Variants in GLB1L2 observed in about 807,000 individuals in gnomAD.
GLB1L2 encodes galactosidase beta 1 like 2.
Under a neutral mutation model 84.1 loss-of-function variants are expected in GLB1L2, and 68 were observed. The ratio of observed to expected loss-of-function variants is 0.81; its 90% CI spans 0.67 to 0.99. GLB1L2 has a LOEUF of 0.99. Among genes scored for constraint, GLB1L2 ranks in the 50% least tolerant of loss-of-function variants. GLB1L2 has a pLI of 0.00. For missense variants in GLB1L2, 762 were observed against 805.6 expected, an observed-to-expected ratio of 0.95 and a Z score of 0.66; for synonymous variants, 290 against 318.0, an observed-to-expected ratio of 0.91 and a Z score of 0.94.
At position 134,375,755 on chromosome 11, in the gene GLB1L2, G is replaced by GTT. The variant is rs1944017150; in HGVS notation, c.*697_*698insTT. ...CAGTGAGGAGGACATGTGAGTCCTG[G>GTT]CAGAAGCCATGGCCCATGTCTGCAC... On this transcript the variant is annotated 3_prime_UTR_variant, in exon 19 of 19. Coordinates refer to ENST00000535456, the MANE Select transcript of GLB1L2 (RefSeq NM_001370461.1). 1 of 152,286 alleles carries GTT rather than the reference G, an allele frequency of 6.6e-6. No individual in the cohort carries two copies. Among genetic ancestry groups the GTT allele is most frequent in the South Asian group, 2.1e-4 (1 of 4,834 alleles). The allele number at this position is 152,286 out of a possible 1,614,324, so 9.4% of individuals were successfully genotyped here. A position where few individuals can be genotyped will look rare whatever the true frequency, so the allele number is the denominator to read the frequency against.
In GLB1L2 at chr11:134,342,780, T is replaced by G; in HGVS notation, c.113T>G (p.Leu38Arg). The stretch of plus-strand genomic sequence containing the variant: ...CTGGACTGGAGCACCCTGGTCCCTC[T>G]GCGGCTCCGCCATCGACAGCTGGGG... Reference protein sequence around the residue: ...RRLDWSTLVPLRLRHRQLGLQ... With the variant: ...RRLDWSTLVPRRLRHRQLGLQ... The change falls in exon 2 of 19, where the codon CTG becomes CGG. Residue 38 changes from leucine to arginine, a missense_variant. Transcript: ENST00000535456. 1 of 1,613,938 alleles carries G rather than the reference T, an allele frequency of 6.2e-7. No homozygotes were observed. The highest frequency in any genetic ancestry group is 8.5e-7 in the Non-Finnish European group (1 of 1,180,002).
intron 8 of GLB1L2, among the ~76,000 whole-genome samples, chr11:134,366,253 G>A (rs1943866216): frequency 6.6e-6 from 1 of 152,214 alleles, no homozygotes. Flanking sequence ...GGTATGGTAT[G>A]TCTCCTTCTT....
In GLB1L2 at chr11:134,347,371, G is replaced by A. The variant is rs1226817020; in HGVS notation, c.496G>A (p.Gly166Ser). Reference sequence around the variant, plus strand: ...CATGAGGCTGAGGACAACTTACAAGGGCTTCACCGAAGCAGTGGACCTTTA... The same window carrying A: ...CATGAGGCTGAGGACAACTTACAAGAGCTTCACCGAAGCAGTGGACCTTTA... ...PGMRLRTTYK[G>S]FTEAVDLYFD... The change falls in exon 5 of 19, where the codon GGC becomes AGC. Residue 166 changes from glycine (G) to serine (S), a missense_variant. Transcript: ENST00000535456. 5.0e-6 allele frequency: 8 copies of A among 1,614,100 alleles called. No homozygotes were observed. The highest frequency in any genetic ancestry group is 5.9e-6 in the Non-Finnish European group (7 of 1,179,998).
intron 7 of GLB1L2, 47 bp downstream of exon 7, chr11:134,359,188 C>A: frequency 7.1e-7 from 1 of 1,406,212 alleles, no homozygotes; most frequent in South Asian, 1.3e-5. Context: ...CGGCCCTGGG[C>A]TGGCTGTGCA....
At chr11:134,364,455 C>T in intron 8 of GLB1L2, 57 bp downstream of exon 8, 4 of 1,357,098 alleles carry the variant, frequency 2.9e-6, no homozygotes, top group Non-Finnish European at 3.1e-6. Context: ...TATGGGAATT[C>T]TGAATGCCTG....
intron 1 of GLB1L2, among the ~76,000 whole-genome samples, chr11:134,340,300 A>G (rs1943443510): frequency 6.6e-6 from 1 of 151,982 alleles, no homozygotes; most frequent in African/African-American, 2.4e-5. Flanking sequence ...GTGCATGTGC[A>G]TGTGTGTGTG....
Position 134,334,099 on chromosome 11 carries a change from C to G in GLB1L2, c.86+1952C>G, listed in dbSNP as rs2136252422. On this transcript the variant is annotated intron_variant, in intron 1 of 18. Transcript: ENST00000535456. The surrounding 1 kb of genome is among the most constrained non-coding windows in gnomAD (Gnocchi z 4.1). ...AGGAGAACATCCTCTTTGTCTTTCC[C>G]TCTTCCTGTCTTGCCCCAGCTCTGA... Among the ~76,000 whole-genome samples the G allele has an allele frequency of 6.6e-6, 1 of 152,270 alleles. No homozygotes were observed. The highest frequency in any genetic ancestry group is 1.9e-4 in the East Asian group (1 of 5,174).
chr11:134,370,242 A>T lies in GLB1L2; in HGVS notation c.1109-51A>T. On this transcript the variant is annotated intron_variant, in intron 11 of 18. Coordinates refer to ENST00000535456, the MANE Select transcript of GLB1L2 (RefSeq NM_001370461.1). The surrounding 1 kb of genome is among the most constrained non-coding windows in gnomAD (Gnocchi z 4.7). ...TGGGAGCCGGGTGGGGAGGACGAGC[A>T]GGCAGTGACATTTGGGTCCGTTGGG... 6.8e-7 allele frequency: 1 copy of T among 1,471,438 alleles called. No homozygotes were observed. Among genetic ancestry groups the T allele is most frequent in the Non-Finnish European group, 9.5e-7 (1 of 1,050,468 alleles). 91.1% of individuals were successfully genotyped at this position (1,471,438 alleles called of 1,614,324 possible). A position where few individuals can be genotyped will look rare whatever the true frequency, so the allele number is the denominator to read the frequency against.
chr11:134,351,917 A>G (rs1036512808), intron 5 of GLB1L2, among the ~76,000 whole-genome samples: 21 of 152,196 alleles, frequency 1.4e-4, no homozygotes, highest in African/African-American at 4.8e-4. Flanking sequence ...AGAAATTCCC[A>G]AAGAAAAGTG....
chr11:134,371,361 G>T, intron 13 of GLB1L2, 60 bp from the exon 14 acceptor site: 1 of 1,223,950 alleles, frequency 8.2e-7, no homozygotes, highest in Non-Finnish European at 1.2e-6. Context: ...TGGCCTGGAG[G>T]AGGTCCCGCT....
At chr11:134,365,430 G>A (rs1433051688) in intron 8 of GLB1L2, among the ~76,000 whole-genome samples, 3 of 152,198 alleles carry the variant, frequency 2.0e-5, no homozygotes, top group Admixed American at 6.5e-5. Flanking sequence ...TCATACTTGT[G>A]ACTGAGATGA....
intron 5 of GLB1L2, among the ~76,000 whole-genome samples, chr11:134,352,302 C>A (rs1007898742): frequency 9.9e-5 from 15 of 152,250 alleles, no homozygotes; most frequent in African/African-American, 3.6e-4. Flanking sequence ...GTAATAGCCT[C>A]ATGTTGTTTC....
chr11:134,351,372 G>T (rs1164862198), intron 5 of GLB1L2, among the ~76,000 whole-genome samples: 1 of 142,926 alleles, frequency 7.0e-6, no homozygotes. Flanking sequence ...TGAGATGGTG[G>T]TTCCCTCTTG....
chr11:134,353,360 A>C (rs918216692), intron 5 of GLB1L2, among the ~76,000 whole-genome samples: 1 of 152,184 alleles, frequency 6.6e-6, no homozygotes, highest in African/African-American at 2.4e-5. Context: ...CAGTGAGCCA[A>C]GATTGTGCCA....
At chr11:134,340,224 A>G (rs568491554) in intron 1 of GLB1L2, among the ~76,000 whole-genome samples, 1 of 152,260 alleles carries the variant, frequency 6.6e-6, no homozygotes, top group East Asian at 1.9e-4. Context: ...AAGGTTTGGT[A>G]CCTGGTGGAA....
intron 1 of GLB1L2, among the ~76,000 whole-genome samples, chr11:134,335,468 GTGATCACCTGTTGGA>G (rs1419641878): frequency 6.6e-6 from 1 of 152,130 alleles, no homozygotes; most frequent in African/African-American, 2.4e-5. Context: ...CTTTCAGCAG[GTGATCACCTGTTGGA>G]TACAGGTGTT....
chr11:134,362,882 G>A (rs773240836), intron 7 of GLB1L2, among the ~76,000 whole-genome samples: 39 of 152,136 alleles, frequency 2.6e-4, no homozygotes, highest in Admixed American at 8.5e-4. Flanking sequence ...AGCTGGAGCC[G>A]ACTGTCACCC....
intron 4 of GLB1L2, chr11:134,346,952 C>T (rs553519331): frequency 1.4e-5 from 3 of 215,704 alleles, no homozygotes; most frequent in African/African-American, 2.2e-5. Flanking sequence ...CCTCCTTCCA[C>T]AGCCTCAGTG....
intron 13 of GLB1L2, 91 bp downstream of exon 13, chr11:134,371,239 C>A: frequency 6.7e-7 from 1 of 1,494,512 alleles, no homozygotes; most frequent in South Asian, 1.2e-5. Context: ...CAGCTCTTAC[C>A]AGTGTGTGAC....
Sources: allele counts gnomAD v4.1 joint callset (sites outside exome capture counted in the v4.1 genomes callset), GRCh38; gene constraint gnomAD v4.1.1; non-coding constraint Gnocchi (gnomAD v3.1); transcripts MANE v1.5; gene names NCBI Gene and HGNC (gene_info 2026-07-23, HGNC 2026-07-21).